LDLRAD3: variants seen among roughly 807,000 people sequenced by gnomAD.
The protein encoded by LDLRAD3 is low density lipoprotein receptor class A domain containing 3, also known as low-density lipoprotein receptor class A domain-containing protein 3.
LDLRAD3 carries 20 observed loss-of-function variants against 29.4 expected under a neutral mutation model. That is an observed-to-expected ratio of 0.68 (90% CI 0.48 to 0.99). The LOEUF (loss-of-function observed/expected upper bound fraction) is 0.99, where lower values mean the gene tolerates loss of function less well. Among genes scored for constraint, LDLRAD3 ranks in the 50% least tolerant of loss-of-function variants. The probability of loss-of-function intolerance (pLI) is 0.00; values close to 1 mark genes in which losing one functional copy is unlikely to be tolerated. For missense variants in LDLRAD3, 420 were observed against 454.3 expected (o/e 0.92, Z 0.69); for synonymous variants, 157 against 192.7 (o/e 0.81, Z 1.53).
At chr11:36,169,502 G>A (rs1331988610) in intron 4 of LDLRAD3, among the ~76,000 whole-genome samples, 3 of 152,092 alleles carry the variant, frequency 2.0e-5, no homozygotes, top group African/African-American at 7.2e-5. Flanking sequence ...CCCTCTGTGA[G>A]ATCAATTTTG....
Position 36,201,101 on chromosome 11 carries a change from G to A in LDLRAD3, c.455-25984G>A, listed in dbSNP as rs569644337. Among the ~76,000 whole-genome samples, 130 of 152,322 alleles carry A rather than the reference G, an allele frequency of 8.5e-4. 2 individuals are homozygous for A. The South Asian group carries it at 0.025, about 29-fold the overall frequency. ...AGTTGGGTCCTGAAAATGGGGACCA[G>A]TAGAGTTATTTGAAGGTAGAAGTGT... On this transcript the variant is annotated intron_variant, in intron 4 of 5. Coordinates refer to ENST00000315571, the MANE Select transcript of LDLRAD3 (RefSeq NM_174902.4).
chr11:36,169,163 A>ATT (rs1394471910), intron 4 of LDLRAD3, among the ~76,000 whole-genome samples: 2 of 152,086 alleles, frequency 1.3e-5, no homozygotes, highest in African/African-American at 4.8e-5. Flanking sequence ...GAGCTTTTTT[A>ATT]TTGATACATA....
intron 4 of LDLRAD3, among the ~76,000 whole-genome samples, chr11:36,157,211 C>T (rs1854366555): frequency 6.6e-6 from 1 of 152,180 alleles, no homozygotes; most frequent in Non-Finnish European, 1.5e-5. Flanking sequence ...GTTTCCTGCA[C>T]CCCCGAAACC....
intron 5 of LDLRAD3, among the ~76,000 whole-genome samples, chr11:36,228,657 T>C (rs1455702118): frequency 2.0e-5 from 3 of 152,216 alleles, no homozygotes; most frequent in Non-Finnish European, 2.9e-5. Context: ...TAAAATGTCT[T>C]TTCTGTTAAA....
chr11:35,983,400 C>G (rs1233636901), intron 1 of LDLRAD3, among the ~76,000 whole-genome samples: 1 of 152,244 alleles, frequency 6.6e-6, no homozygotes, highest in East Asian at 1.9e-4. Flanking sequence ...CTGGTCACTG[C>G]TCTCTCCCCG....
At chr11:36,100,522 C>G (rs975658228) in intron 4 of LDLRAD3, among the ~76,000 whole-genome samples, 1 of 152,230 alleles carries the variant, frequency 6.6e-6, no homozygotes, top group Non-Finnish European at 1.5e-5. Context: ...TCAGTGCAAC[C>G]TCTGCCTCCC....
chr11:36,137,730 T>C (rs1202316231), intron 4 of LDLRAD3, among the ~76,000 whole-genome samples: 1 of 152,242 alleles, frequency 6.6e-6, no homozygotes, highest in Non-Finnish European at 1.5e-5. Flanking sequence ...GCAAGCCTTA[T>C]ATTTTGAATA....
chr11:36,159,075 G>A (rs1854396978), intron 4 of LDLRAD3, among the ~76,000 whole-genome samples: 1 of 152,210 alleles, frequency 6.6e-6, no homozygotes, highest in Non-Finnish European at 1.5e-5. Flanking sequence ...GAAATTAAAG[G>A]AAGGGCTGAA....
intron 1 of LDLRAD3, among the ~76,000 whole-genome samples, chr11:35,947,132 G>A (rs950231236): frequency 6.6e-6 from 1 of 152,218 alleles, no homozygotes; most frequent in African/African-American, 2.4e-5. Context: ...TAAGTTGAAA[G>A]TGGACTTGTA....
At chr11:36,191,605 C>T (rs369204580) in intron 4 of LDLRAD3, among the ~76,000 whole-genome samples, 13,423 of 94,436 alleles carry the variant, frequency 0.14, 1,171 homozygotes, top group South Asian at 0.19. Context: ...TATATACACA[C>T]ACACACACAC....
At chr11:36,135,842 A>G (rs924846349) in intron 4 of LDLRAD3, among the ~76,000 whole-genome samples, 6 of 152,158 alleles carry the variant, frequency 3.9e-5, no homozygotes, top group African/African-American at 1.4e-4. Flanking sequence ...CCCGGGAGGC[A>G]GAGGTTGCAG....
intron 2 of LDLRAD3, among the ~76,000 whole-genome samples, chr11:36,042,032 A>G (rs960531278): frequency 1.3e-5 from 2 of 152,174 alleles, no homozygotes; most frequent in Non-Finnish European, 2.9e-5. Context: ...AACATGTGTT[A>G]TTATTGCTCT....
intron 4 of LDLRAD3, among the ~76,000 whole-genome samples, chr11:36,222,645 AG>A (rs1855445748): frequency 6.6e-6 from 1 of 152,184 alleles, no homozygotes; most frequent in South Asian, 2.1e-4. Context: ...AAGAACACCA[AG>A]TCACAAGTGT....
intron 4 of LDLRAD3, among the ~76,000 whole-genome samples, chr11:36,212,581 A>C (rs539734215): frequency 1.4e-4 from 21 of 151,262 alleles, no homozygotes; most frequent in Admixed American, 3.3e-4. Flanking sequence ...TTTCTATCTT[A>C]AACAGCCAAT....
intron 4 of LDLRAD3, among the ~76,000 whole-genome samples, chr11:36,144,128 G>A: frequency 6.6e-6 from 1 of 152,020 alleles, no homozygotes; most frequent in African/African-American, 2.4e-5. Flanking sequence ...ACGGGGTTTC[G>A]CTGTGTTGGC....
intron 2 of LDLRAD3, among the ~76,000 whole-genome samples, chr11:36,074,713 C>G (rs554246848): frequency 2.0e-5 from 3 of 152,290 alleles, no homozygotes; most frequent in African/African-American, 7.2e-5. Flanking sequence ...GCATTCTTCC[C>G]TCATCCCTCA....
Position 36,081,702 on chromosome 11 carries a change from C to A in LDLRAD3, c.243C>A (p.Gly81=). The A allele has an allele frequency of 6.2e-7, 1 of 1,614,226 alleles. No homozygotes were observed. Among genetic ancestry groups the A allele is most frequent in the Admixed American group, 1.7e-5 (1 of 60,028 alleles). The change falls in exon 3 of 6, where the codon GGC becomes GGA. Residue 81 remains glycine, a synonymous_variant. Transcript: ENST00000315571. Reference sequence around the variant, plus strand: ...CAACCTTCTTCCCCTGTGCCAGCGGCATCCATTGCATCATTGGTCGCTTCC... The same window carrying A: ...CAACCTTCTTCCCCTGTGCCAGCGGAATCCATTGCATCATTGGTCGCTTCC... The part of the protein sequence containing the change: ...CGPTFFPCAS[G]IHCIIGRFRC...
At chr11:36,121,820 G>A (rs561570254) in intron 4 of LDLRAD3, among the ~76,000 whole-genome samples, 8 of 152,344 alleles carry the variant, frequency 5.3e-5, no homozygotes, top group Admixed American at 3.3e-4. Context: ...AGGCAAGGCC[G>A]TGAGGCCTTC....
chr11:36,221,306 G>T (rs1026002359), intron 4 of LDLRAD3, among the ~76,000 whole-genome samples: 1 of 151,506 alleles, frequency 6.6e-6, no homozygotes, highest in Non-Finnish European at 1.5e-5. Context: ...AGCCAAGATC[G>T]TGCAGTAGCC....
Sources: allele counts gnomAD v4.1 joint callset (sites outside exome capture counted in the v4.1 genomes callset), GRCh38; gene constraint gnomAD v4.1.1; transcripts MANE v1.5; gene names NCBI Gene and HGNC (gene_info 2026-07-23, HGNC 2026-07-21).